Variants in ZBTB8OS observed in about 807,000 individuals in gnomAD.
ZBTB8OS encodes the protein tRNA-splicing ligase-activating factor archease.
Under a neutral mutation model 29.3 loss-of-function variants are expected in ZBTB8OS, and 16 were observed. That is an observed-to-expected ratio of 0.55 (90% CI 0.37 to 0.83). The LOEUF (loss-of-function observed/expected upper bound fraction) is 0.83, where lower values mean the gene tolerates loss of function less well. Ranked by LOEUF, ZBTB8OS falls within the 40% of genes least tolerant of loss-of-function variation. The pLI is 0.00. For synonymous variants in ZBTB8OS, 70 were observed against 64.6 expected, an observed-to-expected ratio of 1.08 and a Z score of -0.40; for missense variants, 160 against 196.9, an observed-to-expected ratio of 0.81 and a Z score of 1.12.
intron 4 of ZBTB8OS, among the ~76,000 whole-genome samples, chr1:32,632,561 T>C (rs1189500090): frequency 1.3e-5 from 2 of 152,150 alleles, no homozygotes; most frequent in South Asian, 2.1e-4. Flanking sequence ...ACCACAGGCA[T>C]GTGCCACTGC....
At position 32,624,852 on chromosome 1, in the gene ZBTB8OS, CCA is replaced by C. The variant is rs533904179; in HGVS notation, c.417+2654_417+2655del. The stretch of plus-strand genomic sequence containing the variant: ...GAGGTTGCAGTGAGCTGAGATTACA[CCA>C]CTGCACTCCAGCCTGGGCAACAGAG... On this transcript the variant is annotated intron_variant, in intron 6 of 6. Coordinates refer to ENST00000468695, the MANE Select transcript of ZBTB8OS (RefSeq NM_178547.5). 2.7e-5 allele frequency among the ~76,000 whole-genome samples: 4 copies of C among 148,864 alleles called. No individual in the cohort carries two copies. In the South Asian group the frequency reaches 8.6e-4, roughly 32 times the overall value.
Position 32,633,739 on chromosome 1 carries a change from CA to C in ZBTB8OS, c.245-13del. The C allele has an allele frequency of 6.4e-7, 1 of 1,563,824 alleles. No homozygotes were observed. ...CTGTAAGTCATCTCCTACACAAGAT[CA>C]AATAGTATATTTAATAATTCTGGTC... On this transcript the variant is annotated splice_polypyrimidine_tract_variant and intron_variant, in intron 3 of 6. Coordinates refer to ENST00000468695, the MANE Select transcript of ZBTB8OS (RefSeq NM_178547.5).
intron 1 of ZBTB8OS, among the ~76,000 whole-genome samples, chr1:32,639,202 G>A (rs1244909416): frequency 6.6e-6 from 1 of 151,614 alleles, no homozygotes; most frequent in African/African-American, 2.4e-5. Context: ...GGAGGCTGAG[G>A]CAGAAGAGCT....
At chr1:32,637,422 G>C (rs2148402918) in intron 1 of ZBTB8OS, among the ~76,000 whole-genome samples, 1 of 151,726 alleles carries the variant, frequency 6.6e-6, no homozygotes, top group South Asian at 2.1e-4. Flanking sequence ...AAAAAAATGA[G>C]CTGGGCGTGG....
intron 1 of ZBTB8OS, among the ~76,000 whole-genome samples, chr1:32,642,738 A>G (rs1215792628): frequency 3.6e-5 from 1 of 27,966 alleles, no homozygotes; most frequent in Admixed American, 3.7e-4. Context: ...TATCTTAACC[A>G]GAACATTCCC....
Position 32,621,951 on chromosome 1 carries a change from A to G in ZBTB8OS, c.418-3T>C, listed in dbSNP as rs764160635. 1 of 1,556,142 alleles carries G rather than the reference A, an allele frequency of 6.4e-7. No homozygotes were observed. On this transcript the variant is annotated splice_polypyrimidine_tract_variant and splice_region_variant and intron_variant, in intron 6 of 6. Transcript: ENST00000468695. ...GTTATTGCTTTGACTTCTGTTCCCT[A>G]AAGTTGGGGTTAGAGAAAAAAAAAA...
intron 1 of ZBTB8OS, among the ~76,000 whole-genome samples, chr1:32,643,419 G>C (rs1035052793): frequency 6.6e-6 from 1 of 151,638 alleles, no homozygotes; most frequent in Non-Finnish European, 1.5e-5. Flanking sequence ...TAAAGAGATG[G>C]GTTCTCACTG....
At chr1:32,625,079 C>CTGGCA (rs1205670711) in intron 6 of ZBTB8OS, among the ~76,000 whole-genome samples, 1 of 149,584 alleles carries the variant, frequency 6.7e-6, no homozygotes, top group Non-Finnish European at 1.5e-5. Context: ...AAAAATTAGC[C>CTGGCA]TGGCATGGTT....
chr1:32,627,105 CA>C (rs1645183237), intron 6 of ZBTB8OS, among the ~76,000 whole-genome samples: 1 of 152,108 alleles, frequency 6.6e-6, no homozygotes, highest in South Asian at 2.1e-4. Context: ...AAAAAACTGC[CA>C]ACTCCTGTTC....
At chr1:32,629,556 T>C (rs541282584) in intron 5 of ZBTB8OS, among the ~76,000 whole-genome samples, 1 of 152,176 alleles carries the variant, frequency 6.6e-6, no homozygotes, top group South Asian at 2.1e-4. Flanking sequence ...GTTTACACTT[T>C]ACAACTTTTC....
At chr1:32,638,548 G>A (rs1381592517) in intron 1 of ZBTB8OS, among the ~76,000 whole-genome samples, 4 of 151,834 alleles carry the variant, frequency 2.6e-5, no homozygotes, top group Non-Finnish European at 4.4e-5. Flanking sequence ...TGTTAATATG[G>A]GTTATATCTG....
chr1:32,627,027 A>C (rs1645176720), intron 6 of ZBTB8OS, among the ~76,000 whole-genome samples: 1 of 152,216 alleles, frequency 6.6e-6, no homozygotes, highest in African/African-American at 2.4e-5. Context: ...AGAAGCACTG[A>C]GTAGCTGCTC....
intron 1 of ZBTB8OS, among the ~76,000 whole-genome samples, chr1:32,644,687 C>T (rs1646701865): frequency 6.7e-6 from 1 of 148,754 alleles, no homozygotes; most frequent in Non-Finnish European, 1.5e-5. Context: ...ACTACACACA[C>T]ATGCCACCAC....
intron 1 of ZBTB8OS, among the ~76,000 whole-genome samples, chr1:32,649,947 A>T (rs2148500359): frequency 6.6e-6 from 1 of 152,320 alleles, no homozygotes; most frequent in African/African-American, 2.4e-5. Context: ...CACAGGCCTC[A>T]GCCACCGAGC....
At position 32,631,698 on chromosome 1, in the gene ZBTB8OS, C is replaced by A. The variant is rs978431821; in HGVS notation, c.380+129G>T. ...TGTTAAGTTTCTGGTCCTTCCAAGC[C>A]CTTAGACATCCCACAAAACTCAATC... On this transcript the variant is annotated intron_variant, in intron 5 of 6. Transcript: ENST00000468695. The A allele has an allele frequency of 1.5e-5, 10 of 652,834 alleles. No individual in the cohort carries two copies. The African/African-American group carries it at 1.9e-4, about 13-fold the overall frequency. The allele number at this position is 652,834 out of a possible 1,614,324, so 40.4% of individuals were successfully genotyped here.
At chr1:32,628,386 C>T (rs547764045) in intron 5 of ZBTB8OS, among the ~76,000 whole-genome samples, 43 of 152,024 alleles carry the variant, frequency 2.8e-4, no homozygotes, top group Admixed American at 2.6e-3. Context: ...CCTGTAATCC[C>T]AGCACTTTGG....
chr1:32,624,992 G>C (rs1051442905), intron 6 of ZBTB8OS, among the ~76,000 whole-genome samples: 1 of 152,034 alleles, frequency 6.6e-6, no homozygotes, highest in Admixed American at 6.6e-5. Flanking sequence ...GGGAGGCCAA[G>C]GTGGGTGGAT....
chr1:32,638,340 G>A (rs1646149334), intron 1 of ZBTB8OS, among the ~76,000 whole-genome samples: 1 of 147,240 alleles, frequency 6.8e-6, no homozygotes. Context: ...TTACAGGCAT[G>A]CGCCACCATG....
chr1:32,643,306 C>CA (rs1171008765), intron 1 of ZBTB8OS, among the ~76,000 whole-genome samples: 2 of 151,992 alleles, frequency 1.3e-5, no homozygotes, highest in Admixed American at 1.3e-4. Flanking sequence ...CCCCCGACCT[C>CA]AGGTGATTCA....
Sources: gnomAD v4.1 joint callset for allele counts (sites outside exome capture counted in the v4.1 genomes callset) on GRCh38, gnomAD v4.1.1 for gene constraint, MANE v1.5 for transcripts, NCBI Gene and HGNC (gene_info 2026-07-23, HGNC 2026-07-21) for gene names.